CAB39: variants seen among roughly 807,000 people sequenced by gnomAD.
CAB39 encodes calcium binding protein 39, also known as calcium-binding protein 39.
CAB39 carries 8 observed loss-of-function variants against 40.0 expected under a neutral mutation model. The observed-to-expected ratio is 0.20, with a 90% CI of 0.12 to 0.36. The LOEUF (loss-of-function observed/expected upper bound fraction) is 0.36. Among genes scored for constraint, CAB39 ranks in the 10% least tolerant of loss-of-function variants. The pLI is 1.00. For synonymous variants in CAB39, 156 were observed against 141.6 expected (o/e 1.10, Z -0.72); for missense variants, 270 against 401.1 (o/e 0.67, Z 2.79).
intron 1 of CAB39, among the ~76,000 whole-genome samples, chr2:230,720,164 GT>G (rs1694421524): frequency 1.3e-5 from 2 of 152,178 alleles, no homozygotes; most frequent in Admixed American, 1.3e-4. Context: ...GGCGAGTTGT[GT>G]GTTTTAGGGG....
At chr2:230,789,215 T>C (rs1000604349) in intron 2 of CAB39, among the ~76,000 whole-genome samples, 1 of 152,220 alleles carries the variant, frequency 6.6e-6, no homozygotes, top group African/African-American at 2.4e-5. Context: ...TCTAAGTGTT[T>C]CATTCAGGTG....
intron 1 of CAB39, among the ~76,000 whole-genome samples, chr2:230,734,183 A>G (rs1419264241): frequency 6.6e-6 from 1 of 152,192 alleles, no homozygotes; most frequent in Non-Finnish European, 1.5e-5. Context: ...ATTTTGGGGA[A>G]AAGGAAGAGG....
At chr2:230,738,643 G>C (rs1371825084) in intron 1 of CAB39, among the ~76,000 whole-genome samples, 6 of 152,194 alleles carry the variant, frequency 3.9e-5, no homozygotes, top group Non-Finnish European at 7.3e-5. Context: ...GAAAAAGTCT[G>C]TTTACACTAA....
chr2:230,799,328 G>T (rs1297173050), intron 5 of CAB39, among the ~76,000 whole-genome samples: 2 of 152,210 alleles, frequency 1.3e-5, no homozygotes, highest in African/African-American at 4.8e-5. Flanking sequence ...TCAGGACAGA[G>T]ATACTCACAT....
intron 1 of CAB39, among the ~76,000 whole-genome samples, chr2:230,756,038 C>A (rs1695183606): frequency 1.3e-5 from 2 of 152,166 alleles, no homozygotes; most frequent in South Asian, 4.1e-4. Context: ...GGCAGCGTCC[C>A]CCCCGGGAGA....
chr2:230,813,707 G>C (rs1240241956), intron 6 of CAB39, among the ~76,000 whole-genome samples: 1 of 152,074 alleles, frequency 6.6e-6, no homozygotes, highest in Non-Finnish European at 1.5e-5. Flanking sequence ...AAAAGTGTGA[G>C]GGGTATGGGA....
chr2:230,797,208 T>C lies in CAB39; in HGVS notation c.399-1521T>C, dbSNP rs567849112. Among the ~76,000 whole-genome samples the C allele has an allele frequency of 9.1e-4, 138 of 152,316 alleles. 2 individuals are homozygous for C. Among genetic ancestry groups the C allele is most frequent in the Non-Finnish European group, 1.2e-3 (84 of 68,022 alleles). On this transcript the variant is annotated intron_variant, in intron 4 of 8. Transcript: ENST00000258418. Reference sequence around the variant, plus strand: ...TGAAACTAAGATAATCAGAAAAATATTTTTAAAAGCCTTTGAAGGCTTTTG... The same window carrying C: ...TGAAACTAAGATAATCAGAAAAATACTTTTAAAAGCCTTTGAAGGCTTTTG...
At chr2:230,741,856 G>C (rs1349759774) in intron 1 of CAB39, among the ~76,000 whole-genome samples, 2 of 152,128 alleles carry the variant, frequency 1.3e-5, no homozygotes, top group African/African-American at 4.8e-5. Flanking sequence ...TTAGTTGCTG[G>C]CTAACTGGAG....
In CAB39 at chr2:230,819,617, A is replaced by C. The variant is rs759603520; in HGVS notation, c.*913A>C. ...TGCTCATATGTAATTGAAATACTTC[A>C]GATCACATGAAAATGCTGATTTAAC... On this transcript the variant is annotated 3_prime_UTR_variant, in exon 9 of 9. Coordinates refer to ENST00000258418, the MANE Select transcript of CAB39 (RefSeq NM_016289.4). 3 of 152,662 alleles carry C rather than the reference A, an allele frequency of 2.0e-5. No homozygotes were observed. The highest frequency in any genetic ancestry group is 2.9e-5 in the Non-Finnish European group (2 of 68,044). The allele number at this position is 152,662 out of a possible 1,614,324, so 9.5% of individuals were successfully genotyped here. A position where few individuals can be genotyped will look rare whatever the true frequency, so the allele number is the denominator to read the frequency against.
intron 1 of CAB39, among the ~76,000 whole-genome samples, chr2:230,748,868 A>ATAAC (rs1553669218): frequency 8.1e-6 from 1 of 123,404 alleles, no homozygotes; most frequent in Non-Finnish European, 1.7e-5. Context: ...ATATATATAT[A>ATAAC]ACAAAATGGT....
chr2:230,722,040 C>T (rs1197298103), intron 1 of CAB39, among the ~76,000 whole-genome samples: 1 of 150,050 alleles, frequency 6.7e-6, no homozygotes, highest in Non-Finnish European at 1.5e-5. Context: ...TGGCTTTCAC[C>T]AAGCCTTTTT....
At chr2:230,798,439 G>T (rs1467235566) in intron 4 of CAB39, among the ~76,000 whole-genome samples, 1 of 152,134 alleles carries the variant, frequency 6.6e-6, no homozygotes. Flanking sequence ...TACTTCTCTT[G>T]AAATCTTTCA....
chr2:230,758,053 C>G (rs1322414578), intron 1 of CAB39, among the ~76,000 whole-genome samples: 2 of 152,122 alleles, frequency 1.3e-5, no homozygotes, highest in Non-Finnish European at 1.5e-5. Context: ...AATCCCAGCA[C>G]TTTGGGAGGC....
chr2:230,723,757 A>G (rs1054089808), intron 1 of CAB39, among the ~76,000 whole-genome samples: 1 of 152,232 alleles, frequency 6.6e-6, no homozygotes, highest in African/African-American at 2.4e-5. Flanking sequence ...GCCCTGGTGC[A>G]TTGTTTGGCC....
intron 2 of CAB39, among the ~76,000 whole-genome samples, chr2:230,790,234 C>A (rs1695869862): frequency 6.8e-6 from 1 of 146,322 alleles, no homozygotes; most frequent in Admixed American, 7.0e-5. Context: ...CAGCACGAGA[C>A]CCTGTCTCAA....
chr2:230,777,594 G>A (rs1223781281), intron 2 of CAB39, among the ~76,000 whole-genome samples: 1 of 151,852 alleles, frequency 6.6e-6, no homozygotes, highest in Admixed American at 6.6e-5. Flanking sequence ...TTTTAATAGA[G>A]ATGGGGTTTC....
At chr2:230,755,943 A>G (rs1055667113) in intron 1 of CAB39, among the ~76,000 whole-genome samples, 10 of 152,144 alleles carry the variant, frequency 6.6e-5, no homozygotes, top group African/African-American at 2.4e-4. Flanking sequence ...CAGTTTCAAA[A>G]CTCAGACATG....
chr2:230,738,867 A>AT (rs1425535770), intron 1 of CAB39, among the ~76,000 whole-genome samples: 1 of 152,254 alleles, frequency 6.6e-6, no homozygotes, highest in East Asian at 1.9e-4. Context: ...AATTTTGCAA[A>AT]TAAAACTTTT....
intron 2 of CAB39, among the ~76,000 whole-genome samples, chr2:230,768,773 C>G (rs1407305172): frequency 6.6e-6 from 1 of 151,978 alleles, no homozygotes; most frequent in Non-Finnish European, 1.5e-5. Flanking sequence ...AAAAACAGAC[C>G]ATGTGTCAAA....
Sources: allele counts gnomAD v4.1 joint callset (sites outside exome capture counted in the v4.1 genomes callset), GRCh38; gene constraint gnomAD v4.1.1; transcripts MANE v1.5; gene names NCBI Gene and HGNC (gene_info 2026-07-23, HGNC 2026-07-21).